Variants in USP40 observed in about 807,000 individuals in gnomAD.
The protein encoded by USP40 is ubiquitin carboxyl-terminal hydrolase 40.
A neutral mutation model predicts 166.2 loss-of-function variants in USP40; 143 were observed. That is an observed-to-expected ratio of 0.86 (90% confidence interval 0.75 to 0.99). The LOEUF (loss-of-function observed/expected upper bound fraction) is 0.99, where lower values mean the gene tolerates loss of function less well. Ranked by LOEUF, USP40 falls within the 50% of genes least tolerant of loss-of-function variation. The pLI, the probability that USP40 is intolerant of heterozygous loss-of-function variation, is 0.00. For missense variants in USP40, 1,444 were observed against 1,479.7 expected, an observed-to-expected ratio of 0.98 and a Z score of 0.40; for synonymous variants, 498 against 524.0, an observed-to-expected ratio of 0.95 and a Z score of 0.68.
At chr2:233,496,953 A>G in intron 23 of USP40, 121 bp from the exon 24 acceptor site, 2 of 658,396 alleles carry the variant, frequency 3.0e-6, no homozygotes, top group Middle Eastern at 2.9e-4. Flanking sequence ...TAAAGCAGAT[A>G]TGGAAGACAC....
chr2:233,491,648 G>C (rs72982309), intron 25 of USP40, among the ~76,000 whole-genome samples: 11,976 of 151,942 alleles, frequency 0.079, 589 homozygotes, highest in South Asian at 0.14. Flanking sequence ...GTCTGTCTGT[G>C]TGCAGGCGTT....
At chr2:233,479,335 C>T (rs920873956) in intron 31 of USP40, among the ~76,000 whole-genome samples, 9 of 152,106 alleles carry the variant, frequency 5.9e-5, no homozygotes, top group Admixed American at 2.0e-4. Context: ...GAGGCCAAGG[C>T]GGGCTGATCA....
At chr2:233,517,235 C>T (rs1575274195) in intron 18 of USP40, among the ~76,000 whole-genome samples, 1 of 152,118 alleles carries the variant, frequency 6.6e-6, no homozygotes, top group East Asian at 1.9e-4. Context: ...GGAACATAAA[C>T]TAGTACAGCC....
Position 233,493,553 on chromosome 2 carries a change from T to A in USP40, c.2791-2A>T. The A allele has an allele frequency of 6.2e-7, 1 of 1,610,488 alleles. No homozygotes were observed. The highest frequency in any genetic ancestry group is 8.5e-7 in the Non-Finnish European group (1 of 1,178,234). On this transcript the variant is annotated splice_acceptor_variant, in intron 24 of 31. Transcript: ENST00000678225. LOFTEE classifies it high-confidence loss of function. This position sits in a 1 kb window ranked among gnomAD's most constrained non-coding sequence, Gnocchi z 4.7. ...CCAGATGGGCACCTTCAGGAAACCC[T>A]GAAGAATGGAGCATGTTTAACTGCT...
At chr2:233,497,618 G>A (rs551944782) in intron 23 of USP40, among the ~76,000 whole-genome samples, 2 of 152,326 alleles carry the variant, frequency 1.3e-5, no homozygotes, top group South Asian at 4.1e-4. Context: ...AGTTCCAAGG[G>A]TAATGAGTTG....
chr2:233,552,488 TA>T (rs1238842662), intron 6 of USP40, among the ~76,000 whole-genome samples: 7 of 152,174 alleles, frequency 4.6e-5, no homozygotes, highest in Admixed American at 2.0e-4. Flanking sequence ...AGAAATGTGA[TA>T]AAAGGTATAT....
chr2:233,523,626 G>T, intron 15 of USP40, 137 bp from the exon 16 acceptor site: 2 of 817,816 alleles, frequency 2.4e-6, no homozygotes, highest in Non-Finnish European at 3.7e-6. Flanking sequence ...TGTCTGTTAA[G>T]CATCAGAGGA....
Position 233,481,277 on chromosome 2 carries a change from A to G in USP40, c.3525T>C (p.Asp1175=), listed in dbSNP as rs748341999. The stretch of plus-strand genomic sequence containing the variant: ...CATCTCTGATTGTACTGAAATCATC[A>G]TCGTCGTCAATCAGGAGATTCTACA... ...IGVKNLLIDD[D]DDFSTIRDDT... The change falls in exon 31 of 32, where the codon GAT becomes GAC. Residue 1175 remains aspartate, a synonymous_variant. Coordinates refer to ENST00000678225, the MANE Select transcript of USP40 (RefSeq NM_001365479.2). 8.7e-5 allele frequency: 140 copies of G among 1,601,308 alleles called. No homozygotes were observed. The highest frequency in any genetic ancestry group is 1.6e-4 in the Middle Eastern group (1 of 6,072).
In USP40 at chr2:233,480,021, A is replaced by G. The variant is rs2064463837; in HGVS notation, c.3599+1182T>C. Among the ~76,000 whole-genome samples the G allele has an allele frequency of 1.3e-5, 2 of 152,078 alleles. No individual in the cohort carries two copies. The highest frequency in any genetic ancestry group is 4.1e-4 in the South Asian group (2 of 4,826). On this transcript the variant is annotated intron_variant, in intron 31 of 31. Transcript: ENST00000678225. The surrounding 1 kb of genome is among the most constrained non-coding windows in gnomAD (Gnocchi z 4.5). ...ACCTCCTAGAATCCACTCACCACAAAGCAGCCAGTGATCATGTCAACGCGT... is the reference window on the plus strand; with the variant it reads ...ACCTCCTAGAATCCACTCACCACAAGGCAGCCAGTGATCATGTCAACGCGT...
chr2:233,525,404 T>G, intron 14 of USP40, 74 bp downstream of exon 14: 1 of 1,060,490 alleles, frequency 9.4e-7, no homozygotes, highest in Non-Finnish European at 1.4e-6. Flanking sequence ...TGACAAAGAG[T>G]AGAAAATCGC....
chr2:233,545,733 A>C lies in USP40; in HGVS notation c.966+3368T>G, dbSNP rs574084392. ...CAGGCAGTACCTACTAAAGAACTCCATGTATGCAGGGCACAGCTCCTTCAA... is the reference window on the plus strand; with the variant it reads ...CAGGCAGTACCTACTAAAGAACTCCCTGTATGCAGGGCACAGCTCCTTCAA... On this transcript the variant is annotated intron_variant, in intron 8 of 31. Transcript: ENST00000678225. The C allele has an allele frequency of 2.7e-5, 6 of 223,082 alleles. No homozygotes were observed. The South Asian group carries it at 4.3e-4, about 16-fold the overall frequency. 13.8% of individuals were successfully genotyped at this position (223,082 alleles called of 1,614,324 possible).
At chr2:233,492,266 T>C (rs928576940) in intron 25 of USP40, among the ~76,000 whole-genome samples, 20 of 152,224 alleles carry the variant, frequency 1.3e-4, no homozygotes, top group Non-Finnish European at 1.5e-5. Flanking sequence ...CTACACCACA[T>C]AGCCTAGGTG....
intron 23 of USP40, among the ~76,000 whole-genome samples, chr2:233,497,824 T>C (rs1402150615): frequency 6.6e-6 from 1 of 152,206 alleles, no homozygotes; most frequent in Non-Finnish European, 1.5e-5. Context: ...TACTGACTGC[T>C]AAACAGCAAA....
At chr2:233,509,865 C>G (rs973341965) in intron 21 of USP40, among the ~76,000 whole-genome samples, 184 bp downstream of exon 21, 4 of 145,316 alleles carry the variant, frequency 2.8e-5, no homozygotes, top group African/African-American at 1.0e-4. Flanking sequence ...AAAAAAAAAT[C>G]CAGTTGGTTC....
At position 233,500,268 on chromosome 2, in the gene USP40, ACT is replaced by A. The variant is rs568684979; in HGVS notation, c.2614-355_2614-354del. Among the ~76,000 whole-genome samples, 317 of 152,168 alleles carry A rather than the reference ACT, an allele frequency of 2.1e-3. 3 individuals carry two copies. The highest frequency in any genetic ancestry group is 3.5e-3 in the Non-Finnish European group (238 of 67,978). On this transcript the variant is annotated intron_variant, in intron 21 of 31. Transcript: ENST00000678225. ...ATCAAGTTAATTTCATAGACATTAA[ACT>A]CTGAATCCTATAAAAGGCGAGATTG...
Position 233,529,514 on chromosome 2 carries a change from TGTG to T in USP40, c.1472-5_1472-3del. On this transcript the variant is annotated splice_region_variant and splice_polypyrimidine_tract_variant and intron_variant, in intron 11 of 31. Coordinates refer to ENST00000678225, the MANE Select transcript of USP40 (RefSeq NM_001365479.2). ...CCCCATATCTTGGATTAGCTCGAGC[TGTG>T]AACAAAATTTTTCATTAACTTGTGT... 1 of 1,572,212 alleles carries T rather than the reference TGTG, an allele frequency of 6.4e-7. No individual in the cohort carries two copies. Among genetic ancestry groups the T allele is most frequent in the South Asian group, 1.2e-5 (1 of 85,556 alleles).
At chr2:233,551,311 G>C (rs547491418) in intron 7 of USP40, 65 bp downstream of exon 7, 2 of 1,484,868 alleles carry the variant, frequency 1.3e-6, no homozygotes, top group East Asian at 2.3e-5. Flanking sequence ...ACTGAAAATC[G>C]GGTCAATAAT....
chr2:233,494,742 C>T (rs2065557108), intron 24 of USP40, among the ~76,000 whole-genome samples: 1 of 148,350 alleles, frequency 6.7e-6, no homozygotes, highest in Non-Finnish European at 1.5e-5. Flanking sequence ...TGCCTGTAGT[C>T]CCAGCCCAGG....
In USP40 at chr2:233,493,130, C is replaced by G; in HGVS notation, c.2917+295G>C. The G allele has an allele frequency of 2.2e-6, 1 of 458,692 alleles. No individual in the cohort carries two copies. The highest frequency in any genetic ancestry group is 3.2e-5 in the East Asian group (1 of 30,894). 28.4% of individuals were successfully genotyped at this position (458,692 alleles called of 1,614,324 possible). ...TGGTACGTGGTGATAAATGGGGCCC[C>G]TGTTGCCCTGAGGATCTTGAGAGAT... On this transcript the variant is annotated intron_variant, in intron 25 of 31. Transcript: ENST00000678225. This position sits in a 1 kb window ranked among gnomAD's most constrained non-coding sequence, Gnocchi z 4.7.
Sources: allele counts gnomAD v4.1 joint callset (sites outside exome capture counted in the v4.1 genomes callset), GRCh38; gene constraint gnomAD v4.1.1; non-coding constraint Gnocchi (gnomAD v3.1); transcripts MANE v1.5; gene names NCBI Gene and HGNC (gene_info 2026-07-23, HGNC 2026-07-21).